The following SYNPO2 variants were observed in gnomAD, a reference collection of about 807,000 sequenced individuals.
SYNPO2 encodes the protein synaptopodin-2.
SYNPO2 carries 56 observed loss-of-function variants against 85.0 expected under a neutral mutation model. The observed-to-expected ratio is 0.66, with a 90% confidence interval of 0.53 to 0.82. The LOEUF (loss-of-function observed/expected upper bound fraction) is 0.82, where lower values mean the gene tolerates loss of function less well. SYNPO2 is among the 40% of genes least tolerant of loss of function. The pLI, the probability that SYNPO2 is intolerant of heterozygous loss-of-function variation, is 0.00. For synonymous variants in SYNPO2, 602 were observed against 591.1 expected, an observed-to-expected ratio of 1.02 and a Z score of -0.27; for missense variants, 1,575 against 1,534.2, an observed-to-expected ratio of 1.03 and a Z score of -0.44.
intron 1 of SYNPO2, among the ~76,000 whole-genome samples, chr4:118,999,933 C>T (rs1736763771): frequency 6.6e-6 from 1 of 152,150 alleles, no homozygotes; most frequent in Admixed American, 6.5e-5. Context: ...GTCATTTGTT[C>T]TCTGAAGAAG....
intron 1 of SYNPO2, among the ~76,000 whole-genome samples, chr4:118,883,003 C>T (rs1578517395): frequency 6.6e-6 from 1 of 151,570 alleles, no homozygotes; most frequent in South Asian, 2.1e-4. Flanking sequence ...CCTCGTGATC[C>T]GCCCTCCTCG....
chr4:118,915,012 A>C (rs1232250385), intron 1 of SYNPO2, among the ~76,000 whole-genome samples: 1 of 4,336 alleles, frequency 2.3e-4, no homozygotes, highest in Admixed American at 4.5e-3. Flanking sequence ...AAAGTTCTAC[A>C]AAAAAAAAAA....
At chr4:118,959,878 T>C (rs1465843506) in intron 1 of SYNPO2, among the ~76,000 whole-genome samples, 6 of 145,904 alleles carry the variant, frequency 4.1e-5, no homozygotes, top group African/African-American at 1.2e-4. Flanking sequence ...TGTGTCCTAA[T>C]TCCTGGAACC....
At chr4:118,851,316 C>T (rs745546347) in intron 1 of SYNPO2, among the ~76,000 whole-genome samples, 4 of 152,056 alleles carry the variant, frequency 2.6e-5, no homozygotes, top group Non-Finnish European at 5.9e-5. Context: ...GGAGAAACCC[C>T]GTCTCTACTA....
intron 1 of SYNPO2, among the ~76,000 whole-genome samples, chr4:119,017,064 G>C (rs1320393356): frequency 1.3e-5 from 2 of 152,162 alleles, no homozygotes; most frequent in Non-Finnish European, 2.9e-5. Flanking sequence ...GAAAGGTCAT[G>C]ATCTTCAAAC....
intron 1 of SYNPO2, among the ~76,000 whole-genome samples, chr4:118,890,078 CATGGG>C (rs1221630535): frequency 6.6e-6 from 1 of 151,160 alleles, no homozygotes; most frequent in Non-Finnish European, 1.5e-5. Flanking sequence ...TTATGAAATA[CATGGG>C]CCATTGCCTT....
Position 119,039,301 on chromosome 4 carries a change from C to G in SYNPO2, c.3252+7274C>G, listed in dbSNP as rs1489739015. On this transcript the variant is annotated intron_variant, in intron 4 of 4. Transcript: ENST00000307142. Reference sequence around the variant, plus strand: ...CCCAACAGTCAAACTCTATGGCCATCATCTAATCACAAGGCTATACTACCT... The same window carrying G: ...CCCAACAGTCAAACTCTATGGCCATGATCTAATCACAAGGCTATACTACCT... Among the ~76,000 whole-genome samples, 4 of 152,106 alleles carry G rather than the reference C, an allele frequency of 2.6e-5. No homozygotes were observed. In the East Asian group the frequency reaches 7.7e-4, roughly 29 times the overall value.
At chr4:119,014,852 T>G (rs1737466520) in intron 1 of SYNPO2, among the ~76,000 whole-genome samples, 1 of 152,194 alleles carries the variant, frequency 6.6e-6, no homozygotes, top group African/African-American at 2.4e-5. Context: ...ACAGTTTTTT[T>G]GTCAATCAAA....
At position 119,057,884 on chromosome 4, in the gene SYNPO2, G is replaced by C; in HGVS notation, c.3736G>C (p.Ala1246Pro). 1 of 1,614,064 alleles carries C rather than the reference G, an allele frequency of 6.2e-7. No homozygotes were observed. The highest frequency in any genetic ancestry group is 8.5e-7 in the Non-Finnish European group (1 of 1,179,998). The stretch of plus-strand genomic sequence containing the variant: ...CAGGTCTGATTACTGTCTTCCAGTA[G>C]CTGATTACAACTACAACCCACACCC... Reference protein sequence around the residue: ...ETRSDYCLPVADYNYNPHPRG... With the variant: ...ETRSDYCLPVPDYNYNPHPRG... Residue 1246 changes from alanine (A) to proline (P), a missense_variant, in exon 5 of 5, where the codon GCT becomes CCT. Ala to Pro is a conservative substitution (Grantham distance 27). Coordinates refer to ENST00000307142, the MANE Select transcript of SYNPO2 (RefSeq NM_133477.3).
intron 3 of SYNPO2, among the ~76,000 whole-genome samples, chr4:119,028,371 C>G (rs1463744095): frequency 1.3e-5 from 2 of 152,012 alleles, no homozygotes; most frequent in East Asian, 3.9e-4. Flanking sequence ...TATTGTTATT[C>G]CTTTCAAAGC....
intron 1 of SYNPO2, among the ~76,000 whole-genome samples, chr4:118,998,594 C>T (rs1736705651): frequency 6.6e-6 from 1 of 152,196 alleles, no homozygotes; most frequent in South Asian, 2.1e-4. Context: ...TTACATCTCA[C>T]AGAGAAAGTC....
At chr4:118,912,670 C>T (rs1733181910) in intron 1 of SYNPO2, among the ~76,000 whole-genome samples, 1 of 152,074 alleles carries the variant, frequency 6.6e-6, no homozygotes, top group South Asian at 2.1e-4. Flanking sequence ...AACTTATCTA[C>T]CTGAAAGCCC....
intron 1 of SYNPO2, among the ~76,000 whole-genome samples, chr4:118,901,245 T>C (rs886087452): frequency 6.6e-6 from 1 of 152,208 alleles, no homozygotes; most frequent in African/African-American, 2.4e-5. Flanking sequence ...GAGTATTGCC[T>C]GACTTCAACC....
intron 1 of SYNPO2, among the ~76,000 whole-genome samples, chr4:118,938,216 G>A (rs1217160564): frequency 6.6e-6 from 1 of 152,116 alleles, no homozygotes; most frequent in Non-Finnish European, 1.5e-5. Flanking sequence ...CTATTTGGGA[G>A]GCTGAGGCAC....
intron 1 of SYNPO2, among the ~76,000 whole-genome samples, chr4:118,930,608 C>T (rs1370571408): frequency 6.6e-6 from 1 of 151,878 alleles, no homozygotes; most frequent in Non-Finnish European, 1.5e-5. Flanking sequence ...GGGTGTATTG[C>T]CTCCATTAGA....
At chr4:118,877,559 C>A (rs1192780993) in intron 1 of SYNPO2, among the ~76,000 whole-genome samples, 1 of 152,162 alleles carries the variant, frequency 6.6e-6, no homozygotes, top group African/African-American at 2.4e-5. Context: ...TGAACAAGCA[C>A]TTTTCAAAAG....
intron 1 of SYNPO2, among the ~76,000 whole-genome samples, chr4:118,867,248 T>C (rs1369739464): frequency 1.3e-5 from 2 of 152,216 alleles, no homozygotes; most frequent in Non-Finnish European, 2.9e-5. Flanking sequence ...CAGTATCTAA[T>C]ATATTGACTT....
At chr4:118,868,903 G>T (rs994223681) in intron 1 of SYNPO2, among the ~76,000 whole-genome samples, 5 of 152,180 alleles carry the variant, frequency 3.3e-5, no homozygotes, top group Non-Finnish European at 7.4e-5. Context: ...GATGTGGACA[G>T]AGGGGCTTAA....
At chr4:119,024,221 A>G (rs1447734990) in intron 2 of SYNPO2, among the ~76,000 whole-genome samples, 1 of 152,240 alleles carries the variant, frequency 6.6e-6, no homozygotes, top group Non-Finnish European at 1.5e-5. Flanking sequence ...AAAACAAAAG[A>G]AAACAATGAG....
Sources: allele counts gnomAD v4.1 joint callset (sites outside exome capture counted in the v4.1 genomes callset), GRCh38; gene constraint gnomAD v4.1.1; transcripts MANE v1.5; gene names NCBI Gene and HGNC (gene_info 2026-07-23, HGNC 2026-07-21).